HECW1: variants seen among roughly 807,000 people sequenced by gnomAD.
The protein encoded by HECW1 is E3 ubiquitin-protein ligase HECW1.
A neutral mutation model predicts 182.3 loss-of-function variants in HECW1; 61 were observed. The ratio of observed to expected loss-of-function variants is 0.33; its 90% CI spans 0.27 to 0.41. The LOEUF is 0.41. HECW1 is among the 10% of genes least tolerant of loss of function. The probability of loss-of-function intolerance (pLI) is 1.00; values close to 1 mark genes in which losing one functional copy is unlikely to be tolerated. For missense variants in HECW1, 1,739 were observed against 2,108.9 expected (o/e 0.82, Z 3.44); for synonymous variants, 859 against 832.6 (o/e 1.03, Z -0.55).
intron 16 of HECW1, among the ~76,000 whole-genome samples, chr7:43,473,773 G>A (rs888284936): frequency 1.3e-5 from 2 of 152,108 alleles, no homozygotes; most frequent in Admixed American, 6.5e-5. Context: ...GCAACTGTTT[G>A]TACCATTTAA....
At chr7:43,259,358 G>A (rs1231742105) in intron 3 of HECW1, among the ~76,000 whole-genome samples, 1 of 150,664 alleles carries the variant, frequency 6.6e-6, no homozygotes, top group Non-Finnish European at 1.5e-5. Flanking sequence ...CTGCGCTCCA[G>A]CCTGGGCAAC....
At chr7:43,369,633 A>G (rs1817078686) in intron 6 of HECW1, among the ~76,000 whole-genome samples, 2 of 152,236 alleles carry the variant, frequency 1.3e-5, no homozygotes, top group African/African-American at 4.8e-5. Flanking sequence ...GAATGAACAC[A>G]TCAAGATAAA....
At chr7:43,547,804 A>G (rs572408018) in intron 26 of HECW1, among the ~76,000 whole-genome samples, 60 of 152,296 alleles carry the variant, frequency 3.9e-4, no homozygotes, top group African/African-American at 1.4e-3. Flanking sequence ...TCTTGGGAGT[A>G]TTTCCAGCAT....
At chr7:43,419,707 T>A (rs1372052441) in intron 8 of HECW1, among the ~76,000 whole-genome samples, 7 of 152,220 alleles carry the variant, frequency 4.6e-5, no homozygotes, top group Non-Finnish European at 1.0e-4. Context: ...AGAAGGGAAC[T>A]TTTTTGTTAG....
At chr7:43,378,101 G>A (rs1299955139) in intron 6 of HECW1, among the ~76,000 whole-genome samples, 1 of 152,138 alleles carries the variant, frequency 6.6e-6, no homozygotes, top group African/African-American at 2.4e-5. Flanking sequence ...TATATAATAT[G>A]TATATATGTG....
intron 7 of HECW1, among the ~76,000 whole-genome samples, chr7:43,398,785 C>T (rs566385679): frequency 1.3e-5 from 2 of 152,220 alleles, no homozygotes; most frequent in African/African-American, 2.4e-5. Flanking sequence ...TCAGTCTCCC[C>T]GAGAATTCGG....
At chr7:43,228,794 A>T (rs1223361609) in intron 2 of HECW1, among the ~76,000 whole-genome samples, 1 of 152,252 alleles carries the variant, frequency 6.6e-6, no homozygotes, top group Non-Finnish European at 1.5e-5. Flanking sequence ...TGCTTATAAA[A>T]GGCATCCATT....
chr7:43,258,930 TTTTTG>T (rs1164294545), intron 3 of HECW1, among the ~76,000 whole-genome samples: 6 of 152,206 alleles, frequency 3.9e-5, no homozygotes, highest in Admixed American at 2.6e-4. Context: ...CAGTTTGTTT[TTTTTG>T]TTTTGTTTTG....
Position 43,561,940 on chromosome 7 carries a change from C to T in HECW1, c.*14C>T, listed in dbSNP as rs747488062. The T allele has an allele frequency of 1.9e-5, 28 of 1,491,434 alleles. No homozygotes were observed. The highest frequency in any genetic ancestry group is 2.2e-5 in the Non-Finnish European group (24 of 1,068,448). The allele number at this position is 1,491,434 out of a possible 1,614,324, so 92.4% of individuals were successfully genotyped here. On this transcript the variant is annotated 3_prime_UTR_variant, in exon 30 of 30. Coordinates refer to ENST00000395891, the MANE Select transcript of HECW1 (RefSeq NM_015052.5). ...GGACTTGAGTGAGGACATGGAACCT[C>T]GCCTGACATTTTCCTGGCCAGTGAC...
At chr7:43,176,558 A>G (rs891662119) in intron 2 of HECW1, among the ~76,000 whole-genome samples, 1 of 152,220 alleles carries the variant, frequency 6.6e-6, no homozygotes, top group Non-Finnish European at 1.5e-5. Flanking sequence ...GGGCCTTCAC[A>G]CAGTGGGGGG....
intron 2 of HECW1, among the ~76,000 whole-genome samples, chr7:43,134,555 G>A (rs1435644790): frequency 1.3e-5 from 2 of 151,808 alleles, no homozygotes; most frequent in African/African-American, 4.8e-5. Flanking sequence ...CCCAAGGCTG[G>A]AATGCAGTGG....
At chr7:43,138,855 A>G (rs1477394065) in intron 2 of HECW1, among the ~76,000 whole-genome samples, 1 of 152,196 alleles carries the variant, frequency 6.6e-6, no homozygotes, top group Non-Finnish European at 1.5e-5. Flanking sequence ...AAGAGGCCTG[A>G]ACAAAGAGAA....
chr7:43,518,251 T>G (rs571779624), intron 24 of HECW1, among the ~76,000 whole-genome samples: 10 of 152,100 alleles, frequency 6.6e-5, no homozygotes, highest in Non-Finnish European at 1.3e-4. Flanking sequence ...TTCCAACACT[T>G]TAGGAGGCCA....
rs1328538422 is a variant in HECW1, at chr7:43,501,258, C to T, written c.3567C>T (p.Ala1189=). The T allele has an allele frequency of 6.2e-7, 1 of 1,608,918 alleles. No homozygotes were observed. Among genetic ancestry groups the T allele is most frequent in the Non-Finnish European group, 8.5e-7 (1 of 1,176,938 alleles). ...EIMSYVPLQA[A]FHPGYSFSPR... The stretch of plus-strand genomic sequence containing the variant: ...TGTCCTACGTCCCCCTGCAGGCTGC[C>T]TTCCACCCTGGGTATAGCTTCTCTC... The change falls in exon 21 of 30, where the codon GCC becomes GCT. Residue 1189 remains alanine, a synonymous_variant. Coordinates refer to ENST00000395891, the MANE Select transcript of HECW1 (RefSeq NM_015052.5).
intron 3 of HECW1, among the ~76,000 whole-genome samples, chr7:43,262,785 CAGCCCT>C (rs1179348667): frequency 6.6e-6 from 1 of 152,298 alleles, no homozygotes; most frequent in East Asian, 1.9e-4. Flanking sequence ...GTAAAGTATA[CAGCCCT>C]GGGCCACTAT....
chr7:43,351,486 G>C (rs548425700), intron 5 of HECW1, among the ~76,000 whole-genome samples: 62 of 152,238 alleles, frequency 4.1e-4, no homozygotes, highest in African/African-American at 1.4e-3. Context: ...ACCACCAGGT[G>C]GGGGCAGGGC....
intron 3 of HECW1, among the ~76,000 whole-genome samples, chr7:43,299,044 C>G (rs1182405971): frequency 1.3e-5 from 2 of 152,316 alleles, no homozygotes; most frequent in East Asian, 3.9e-4. Flanking sequence ...GATGGCTTGT[C>G]TTGTAACCAG....
rs796502195 is a variant in HECW1 at position 43,319,601 on chromosome 7, C to CTTTTTTTTTTTTTTTTTTTTTTTTTTT, written c.353-1010_353-1009insTTTTTTTTTTTTTTTTTTTTTTTTTTT. 4.2e-5 allele frequency among the ~76,000 whole-genome samples: 2 copies of CTTTTTTTTTTTTTTTTTTTTTTTTTTT among 47,438 alleles called. 1 individual carries two copies. Among genetic ancestry groups the CTTTTTTTTTTTTTTTTTTTTTTTTTTT allele is most frequent in the African/African-American group, 2.5e-4 (2 of 7,880 alleles). 31.1% of individuals were successfully genotyped at this position (47,438 alleles called of 152,430 possible). On this transcript the variant is annotated intron_variant, in intron 4 of 29. Transcript: ENST00000395891. ...CTGTTCTTTTCCTTTCTTTTCTTTT[C>CTTTTTTTTTTTTTTTTTTTTTTTTTTT]TTTTTTTTTTTTTTTTTTTTTTTTG...
chr7:43,209,295 T>C (rs999962348), intron 2 of HECW1, among the ~76,000 whole-genome samples: 1 of 152,094 alleles, frequency 6.6e-6, no homozygotes, highest in African/African-American at 2.4e-5. Context: ...CCCCTGTTGC[T>C]CCTGCTGATC....
Sources: allele counts gnomAD v4.1 joint callset (sites outside exome capture counted in the v4.1 genomes callset), GRCh38; gene constraint gnomAD v4.1.1; transcripts MANE v1.5; gene names NCBI Gene and HGNC (gene_info 2026-07-23, HGNC 2026-07-21).